Variants in NTM observed in about 807,000 individuals in gnomAD.
NTM encodes neurotrimin.
NTM carries 13 observed loss-of-function variants against 42.1 expected under a neutral mutation model. The observed-to-expected ratio is 0.31, with a 90% confidence interval of 0.20 to 0.49. The LOEUF is 0.49. Ranked by LOEUF, NTM falls within the 20% of genes least tolerant of loss-of-function variation. NTM has a pLI of 0.99. For synonymous variants in NTM, 187 were observed against 179.2 expected (o/e 1.04, Z -0.35); for missense variants, 373 against 452.8 (o/e 0.82, Z 1.60).
chr11:131,545,429 G>A (rs1036281600), intron 1 of NTM, among the ~76,000 whole-genome samples: 2 of 151,890 alleles, frequency 1.3e-5, no homozygotes, highest in Non-Finnish European at 2.9e-5. Flanking sequence ...AAGAATTGAA[G>A]GGCATTTTCA....
chr11:131,625,916 T>C (rs2063058015), intron 1 of NTM, among the ~76,000 whole-genome samples: 1 of 152,218 alleles, frequency 6.6e-6, no homozygotes, highest in Non-Finnish European at 1.5e-5. Flanking sequence ...CATTGCTGTG[T>C]AGTGTTCCAT....
chr11:131,545,109 T>A (rs1418325220), intron 1 of NTM, among the ~76,000 whole-genome samples: 1 of 152,158 alleles, frequency 6.6e-6, no homozygotes, highest in African/African-American at 2.4e-5. Context: ...ATTAACTGTA[T>A]CCCACTGGAA....
At chr11:131,404,184 T>C (rs2135708049) in intron 1 of NTM, among the ~76,000 whole-genome samples, 1 of 152,222 alleles carries the variant, frequency 6.6e-6, no homozygotes. Flanking sequence ...TTTTCAGCAC[T>C]CGCACTTCCG....
intron 1 of NTM, among the ~76,000 whole-genome samples, chr11:131,658,821 A>T (rs1013603698): frequency 6.6e-6 from 1 of 152,176 alleles, no homozygotes; most frequent in Non-Finnish European, 1.5e-5. Flanking sequence ...AATACAAAAA[A>T]TTAGCTGGGC....
intron 1 of NTM, among the ~76,000 whole-genome samples, chr11:131,598,558 C>G (rs117142583): frequency 0.033 from 4,969 of 152,180 alleles, 115 homozygotes; most frequent in Non-Finnish European, 0.048. Flanking sequence ...GAGAGCTCCC[C>G]CCTCCATTAG....
At chr11:131,453,408 CT>C (rs997075011) in intron 1 of NTM, among the ~76,000 whole-genome samples, 7 of 152,246 alleles carry the variant, frequency 4.6e-5, no homozygotes, top group Middle Eastern at 6.8e-3. Context: ...ACAGTAACTA[CT>C]TGGTACCAAC....
chr11:132,160,822 C>T (rs921771503), intron 3 of NTM, among the ~76,000 whole-genome samples: 1 of 152,104 alleles, frequency 6.6e-6, no homozygotes, highest in Non-Finnish European at 1.5e-5. Flanking sequence ...GATGGGGCAC[C>T]GCTGAGGGCA....
intron 3 of NTM, among the ~76,000 whole-genome samples, chr11:132,185,725 G>C (rs1236277092): frequency 6.6e-6 from 1 of 152,136 alleles, no homozygotes; most frequent in Non-Finnish European, 1.5e-5. Flanking sequence ...TGGTTTAAAA[G>C]ATATGGAGGA....
At chr11:131,436,183 A>C (rs4937622) in intron 1 of NTM, among the ~76,000 whole-genome samples, 1 of 152,214 alleles carries the variant, frequency 6.6e-6, no homozygotes, top group African/African-American at 2.4e-5. Flanking sequence ...GCTAGATTCG[A>C]TTTGCCAGTA....
At chr11:131,407,184 G>A (rs1945893339) in intron 1 of NTM, among the ~76,000 whole-genome samples, 1 of 152,156 alleles carries the variant, frequency 6.6e-6, no homozygotes, top group Non-Finnish European at 1.5e-5. Flanking sequence ...ATAGTTACAA[G>A]ACTGGATTTT....
At chr11:132,130,589 T>C (rs756520336) in intron 2 of NTM, among the ~76,000 whole-genome samples, 1 of 152,214 alleles carries the variant, frequency 6.6e-6, no homozygotes, top group Non-Finnish European at 1.5e-5. Flanking sequence ...TGTTTGCATG[T>C]ATCGTATTTT....
chr11:131,708,474 T>C (rs1371682737), intron 1 of NTM, among the ~76,000 whole-genome samples: 1 of 152,184 alleles, frequency 6.6e-6, no homozygotes, highest in African/African-American at 2.4e-5. Context: ...GCAATTTGGC[T>C]GCATGAAACA....
chr11:132,335,714 A>G lies in NTM; in HGVS notation c.*568A>G, dbSNP rs1356443524. 1 of 151,714 alleles carries G rather than the reference A, an allele frequency of 6.6e-6. No homozygotes were observed. Among genetic ancestry groups the G allele is most frequent in the Non-Finnish European group, 1.5e-5 (1 of 68,018 alleles). 9.4% of individuals were successfully genotyped at this position (151,714 alleles called of 1,614,324 possible). ...ACAACGGTCCCACAAACAAGTCACA[A>G]AAGATACCGTTAAACTTTTTTTTTT... On this transcript the variant is annotated 3_prime_UTR_variant, in exon 9 of 9. Coordinates refer to ENST00000683400, the MANE Select transcript of NTM (RefSeq NM_001352005.2).
At chr11:131,545,348 A>T (rs2053788399) in intron 1 of NTM, among the ~76,000 whole-genome samples, 1 of 149,296 alleles carries the variant, frequency 6.7e-6, no homozygotes. Context: ...CTTTTCCTCC[A>T]TTTTTTTCTC....
intron 3 of NTM, among the ~76,000 whole-genome samples, chr11:132,147,747 C>G (rs895480979): frequency 7.2e-5 from 11 of 152,074 alleles, no homozygotes; most frequent in African/African-American, 2.7e-4. Context: ...GGGTGACAAA[C>G]TCCTCTCCTA....
chr11:131,864,304 C>A (rs928854548), intron 1 of NTM, among the ~76,000 whole-genome samples: 1 of 151,690 alleles, frequency 6.6e-6, no homozygotes, highest in South Asian at 2.1e-4. Context: ...TTGCTTAATG[C>A]GGGCTTCTGG....
chr11:132,156,677 CA>C (rs2073256785), intron 3 of NTM, among the ~76,000 whole-genome samples: 1 of 147,080 alleles, frequency 6.8e-6, no homozygotes, highest in African/African-American at 2.5e-5. Context: ...AATTATTAAA[CA>C]AAATGATTCA....
At chr11:131,630,317 G>T (rs2512867) in intron 1 of NTM, among the ~76,000 whole-genome samples, 127,228 of 152,022 alleles carry the variant, frequency 0.84, 53,318 homozygotes, top group African/African-American at 0.85. Flanking sequence ...AATATATATT[G>T]TTTTCTCTCT....
At chr11:132,204,665 A>G (rs2081681764) in intron 3 of NTM, among the ~76,000 whole-genome samples, 1 of 152,104 alleles carries the variant, frequency 6.6e-6, no homozygotes, top group African/African-American at 2.4e-5. Flanking sequence ...GGAAGGGAGA[A>G]TGCTGTGGGA....
Sources: allele counts gnomAD v4.1 joint callset (sites outside exome capture counted in the v4.1 genomes callset), GRCh38; gene constraint gnomAD v4.1.1; transcripts MANE v1.5; gene names NCBI Gene and HGNC (gene_info 2026-07-23, HGNC 2026-07-21).